The following SDK1 variants were observed in gnomAD, a reference collection of about 807,000 sequenced individuals.
SDK1 encodes protein sidekick-1.
Under a neutral mutation model 245.5 loss-of-function variants are expected in SDK1, and 157 were observed. The ratio of observed to expected loss-of-function variants is 0.64; its 90% CI spans 0.56 to 0.73. The LOEUF is 0.73. Ranked by LOEUF, SDK1 falls within the 30% of genes least tolerant of loss-of-function variation. The pLI is 0.00. For missense variants in SDK1, 3,583 were observed against 3,002.3 expected, an observed-to-expected ratio of 1.19 and a Z score of -4.52; for synonymous variants, 1,647 against 1,278.5, an observed-to-expected ratio of 1.29 and a Z score of -6.15.
intron 9 of SDK1, among the ~76,000 whole-genome samples, chr7:3,966,288 C>A (rs376240392): frequency 5.3e-5 from 8 of 152,098 alleles, no homozygotes; most frequent in African/African-American, 1.9e-4. Flanking sequence ...CAGGCAGAGG[C>A]GGCGGCTGTG....
intron 17 of SDK1, among the ~76,000 whole-genome samples, chr7:4,043,788 G>A (rs1339270848): frequency 1.3e-5 from 2 of 151,910 alleles, no homozygotes; most frequent in Non-Finnish European, 1.5e-5. Flanking sequence ...TTTGATATTT[G>A]GTATTCTGGC....
chr7:3,379,171 C>G (rs1026251638), intron 1 of SDK1, among the ~76,000 whole-genome samples: 2 of 152,116 alleles, frequency 1.3e-5, no homozygotes, highest in Admixed American at 6.6e-5. Context: ...TAATCTGTTC[C>G]ACAACTCTTT....
intron 2 of SDK1, among the ~76,000 whole-genome samples, chr7:3,637,391 C>A (rs1176288013): frequency 6.6e-6 from 1 of 152,224 alleles, no homozygotes. Flanking sequence ...GCCACCACGT[C>A]TGGCCTCTCC....
At chr7:3,536,767 C>T (rs1023787831) in intron 1 of SDK1, among the ~76,000 whole-genome samples, 1 of 151,666 alleles carries the variant, frequency 6.6e-6, no homozygotes, top group Middle Eastern at 3.2e-3. Flanking sequence ...CAAATGTTAA[C>T]AATACTTGTA....
intron 1 of SDK1, among the ~76,000 whole-genome samples, chr7:3,361,296 T>C (rs1390991501): frequency 6.6e-6 from 1 of 152,184 alleles, no homozygotes; most frequent in Non-Finnish European, 1.5e-5. Context: ...GAATTGAAAT[T>C]AGTCGTAAAT....
chr7:3,609,399 C>G (rs1013899277), intron 1 of SDK1, among the ~76,000 whole-genome samples: 2 of 151,830 alleles, frequency 1.3e-5, no homozygotes, highest in Non-Finnish European at 2.9e-5. Flanking sequence ...TGGGATTTTT[C>G]TTTTTCTTTT....
intron 2 of SDK1, among the ~76,000 whole-genome samples, chr7:3,629,581 G>C (rs1053856804): frequency 1.1e-4 from 16 of 152,192 alleles, no homozygotes; most frequent in Admixed American, 3.3e-4. Flanking sequence ...GGTGTCTTGG[G>C]TCAGGAGAAT....
chr7:3,633,517 A>G (rs1018054047), intron 2 of SDK1, among the ~76,000 whole-genome samples: 4 of 152,168 alleles, frequency 2.6e-5, no homozygotes, highest in African/African-American at 9.7e-5. Flanking sequence ...TTCTTATAAC[A>G]GGTAAATGTG....
intron 5 of SDK1, among the ~76,000 whole-genome samples, chr7:3,839,170 C>G (rs1371137671): frequency 6.6e-6 from 1 of 152,148 alleles, no homozygotes; most frequent in Non-Finnish European, 1.5e-5. Context: ...TCCTTTCACG[C>G]TTGCTTTTCT....
chr7:3,929,346 C>A (rs1779894264), intron 5 of SDK1, among the ~76,000 whole-genome samples: 1 of 152,224 alleles, frequency 6.6e-6, no homozygotes, highest in African/African-American at 2.4e-5. Flanking sequence ...CACGATTGAT[C>A]TTCATGCACC....
intron 4 of SDK1, among the ~76,000 whole-genome samples, chr7:3,740,574 T>C (rs2115051683): frequency 6.6e-6 from 1 of 152,280 alleles, no homozygotes; most frequent in African/African-American, 2.4e-5. Context: ...ATAGTAAGAA[T>C]TATCTGTACT....
chr7:3,759,249 T>G (rs1780024385), intron 4 of SDK1, among the ~76,000 whole-genome samples: 1 of 152,220 alleles, frequency 6.6e-6, no homozygotes, highest in African/African-American at 2.4e-5. Flanking sequence ...TTCTGAAGTC[T>G]AAATCCCAAA....
chr7:4,246,636 C>T (rs373912963), intron 44 of SDK1, among the ~76,000 whole-genome samples: 5 of 152,148 alleles, frequency 3.3e-5, no homozygotes, highest in Non-Finnish European at 5.9e-5. Context: ...CCCTCCCTTG[C>T]GCTGAAGAAG....
intron 4 of SDK1, among the ~76,000 whole-genome samples, chr7:3,740,609 A>G (rs753194492): frequency 5.9e-5 from 9 of 152,154 alleles, no homozygotes; most frequent in Admixed American, 3.3e-4. Context: ...CTTCAAGGCT[A>G]TTGTTTTTCA....
At chr7:3,739,987 T>C (rs1029581221) in intron 4 of SDK1, among the ~76,000 whole-genome samples, 1 of 152,234 alleles carries the variant, frequency 6.6e-6, no homozygotes, top group African/African-American at 2.4e-5. Flanking sequence ...TCTATGTATG[T>C]TTAGCCTCTG....
chr7:3,330,730 T>G (rs1018854389), intron 1 of SDK1, among the ~76,000 whole-genome samples: 1 of 150,052 alleles, frequency 6.7e-6, no homozygotes, highest in Non-Finnish European at 1.5e-5. Context: ...CTCAACACTT[T>G]GGGAGGCCAA....
rs140588166 is a variant in SDK1, at chr7:3,783,259, A to G, written c.714-38191A>G. 9.6e-4 allele frequency among the ~76,000 whole-genome samples: 146 copies of G among 152,336 alleles called. 1 individual carries two copies. The highest frequency in any genetic ancestry group is 3.4e-3 in the African/African-American group (143 of 41,572). On this transcript the variant is annotated intron_variant, in intron 4 of 44. Coordinates refer to ENST00000404826, the MANE Select transcript of SDK1 (RefSeq NM_152744.4). ...GTGAGAGAATCCCACAATTAAAATT[A>G]TACTCAGTGGTGAAAAATTGAAAGC...
intron 1 of SDK1, among the ~76,000 whole-genome samples, chr7:3,613,515 G>A (rs563796730): frequency 5.9e-5 from 9 of 152,086 alleles, no homozygotes; most frequent in Admixed American, 3.9e-4. Flanking sequence ...GCTTATTTTG[G>A]TTTTGATTTG....
intron 1 of SDK1, among the ~76,000 whole-genome samples, chr7:3,519,389 C>CAT (rs1782857378): frequency 6.6e-6 from 1 of 152,068 alleles, no homozygotes; most frequent in Non-Finnish European, 1.5e-5. Context: ...GTACCCCATA[C>CAT]ATATATATGA....
Sources: gnomAD v4.1 joint callset for allele counts (sites outside exome capture counted in the v4.1 genomes callset) on GRCh38, gnomAD v4.1.1 for gene constraint, MANE v1.5 for transcripts, NCBI Gene and HGNC (gene_info 2026-07-23, HGNC 2026-07-21) for gene names.